FGF12: variants seen among roughly 807,000 people sequenced by gnomAD.
FGF12 encodes fibroblast growth factor 12B.
Under a neutral mutation model 23.6 loss-of-function variants are expected in FGF12, and 14 were observed. The observed-to-expected ratio is 0.59, with a 90% CI of 0.39 to 0.93. FGF12 has a LOEUF of 0.93. Among genes scored for constraint, FGF12 ranks in the 40% least tolerant of loss-of-function variants. The pLI is 0.00. For synonymous variants in FGF12, 62 were observed against 77.3 expected, an observed-to-expected ratio of 0.80 and a Z score of 1.04; for missense variants, 175 against 217.8, an observed-to-expected ratio of 0.80 and a Z score of 1.24.
At chr3:192,168,986 C>T (rs953969635) in intron 5 of FGF12, among the ~76,000 whole-genome samples, 2 of 152,036 alleles carry the variant, frequency 1.3e-5, no homozygotes, top group Admixed American at 6.6e-5. Flanking sequence ...ATTTTCCAGG[C>T]AGATGAGATA....
chr3:192,248,386 T>C (rs1026367237), intron 4 of FGF12, among the ~76,000 whole-genome samples: 4 of 152,216 alleles, frequency 2.6e-5, no homozygotes, highest in African/African-American at 9.6e-5. Flanking sequence ...TCAAGTTATC[T>C]GAATTTAAGA....
At chr3:192,154,548 TGCA>T (rs1316502577) in intron 5 of FGF12, among the ~76,000 whole-genome samples, 1 of 151,366 alleles carries the variant, frequency 6.6e-6, no homozygotes, top group Non-Finnish European at 1.5e-5. Context: ...GACCCTCAGC[TGCA>T]GGTCTGTTGG....
chr3:192,277,977 A>G lies in FGF12; in HGVS notation c.228+57384T>C, dbSNP rs933703562. Reference sequence around the variant, plus strand: ...GGGGTTTCGCCATGTTGGCCAGGCTAGTCCTGAACTCCTGACCTCGTGATC... The same window carrying G: ...GGGGTTTCGCCATGTTGGCCAGGCTGGTCCTGAACTCCTGACCTCGTGATC... On this transcript the variant is annotated intron_variant, in intron 4 of 5. Coordinates refer to ENST00000445105, the MANE Select transcript of FGF12 (RefSeq NM_004113.6). Among the ~76,000 whole-genome samples, 95 of 151,978 alleles carry G rather than the reference A, an allele frequency of 6.3e-4. 1 individual carries two copies. The highest frequency in any genetic ancestry group is 2.2e-3 in the African/African-American group (93 of 41,396).
chr3:192,438,712 A>G (rs1426881861), intron 2 of FGF12, among the ~76,000 whole-genome samples: 1 of 152,252 alleles, frequency 6.6e-6, no homozygotes, highest in Non-Finnish European at 1.5e-5. Context: ...ATGATTTGTG[A>G]GTATTCCAAT....
intron 2 of FGF12, among the ~76,000 whole-genome samples, chr3:192,407,516 GAA>G (rs1427790803): frequency 6.6e-6 from 1 of 152,166 alleles, no homozygotes; most frequent in Non-Finnish European, 1.5e-5. Flanking sequence ...GGAAGAGTTG[GAA>G]AAATAATAAA....
chr3:192,434,332 G>A (rs1398140987), intron 2 of FGF12, among the ~76,000 whole-genome samples: 2 of 152,132 alleles, frequency 1.3e-5, no homozygotes, highest in South Asian at 2.1e-4. Context: ...GACAGATCAA[G>A]CTCTTTGTGG....
At chr3:192,345,407 G>A (rs555699890) in intron 3 of FGF12, among the ~76,000 whole-genome samples, 1 of 42,908 alleles carries the variant, frequency 2.3e-5, no homozygotes, top group Non-Finnish European at 3.4e-5. Context: ...TATAACATAG[G>A]CCGGGCGCGG....
intron 2 of FGF12, among the ~76,000 whole-genome samples, chr3:192,544,322 A>G (rs2064276155): frequency 6.6e-6 from 1 of 152,164 alleles, no homozygotes; most frequent in Non-Finnish European, 1.5e-5. Flanking sequence ...TTTAAGCAAT[A>G]TGAAGTTAAA....
intron 2 of FGF12, among the ~76,000 whole-genome samples, chr3:192,422,437 T>G (rs910487803): frequency 6.6e-6 from 1 of 152,130 alleles, no homozygotes; most frequent in Non-Finnish European, 1.5e-5. Flanking sequence ...CCAAAGTAAC[T>G]TCAGAGTAGT....
At chr3:192,650,014 G>A (rs1716158088) in intron 2 of FGF12, among the ~76,000 whole-genome samples, 1 of 152,156 alleles carries the variant, frequency 6.6e-6, no homozygotes, top group Non-Finnish European at 1.5e-5. Context: ...TGATAACTTG[G>A]CAACATGCAA....
At chr3:192,278,753 T>C (rs1038463719) in intron 4 of FGF12, among the ~76,000 whole-genome samples, 4 of 152,166 alleles carry the variant, frequency 2.6e-5, no homozygotes, top group East Asian at 1.9e-4. Flanking sequence ...AGAGTTTCAG[T>C]TGGAGAGCCC....
At chr3:192,687,475 C>A (rs1717788605) in intron 2 of FGF12, among the ~76,000 whole-genome samples, 1 of 152,108 alleles carries the variant, frequency 6.6e-6, no homozygotes, top group Non-Finnish European at 1.5e-5. Context: ...CCAATAGTGA[C>A]TGACAAATAA....
chr3:192,372,110 A>C (rs1576920379), intron 2 of FGF12, among the ~76,000 whole-genome samples: 1 of 152,260 alleles, frequency 6.6e-6, no homozygotes, highest in East Asian at 1.9e-4. Flanking sequence ...GGCATAGAAA[A>C]ATCTTCTCAG....
Position 192,426,773 on chromosome 3 carries a change from G to T in FGF12, c.14-66235C>A, listed in dbSNP as rs554927951. On this transcript the variant is annotated intron_variant, in intron 2 of 5. Coordinates refer to ENST00000445105, the MANE Select transcript of FGF12 (RefSeq NM_004113.6). ...TGAAAGAGAGACACTTACATAAGTA[G>T]TATCAGGATTTAAAAGAACCAAATG... Among the ~76,000 whole-genome samples, 5 of 152,322 alleles carry T rather than the reference G, an allele frequency of 3.3e-5. No homozygotes were observed. The East Asian group carries it at 9.7e-4, about 29-fold the overall frequency.
chr3:192,607,190 A>G (rs1326592850), intron 2 of FGF12, among the ~76,000 whole-genome samples: 1 of 152,162 alleles, frequency 6.6e-6, no homozygotes, highest in Non-Finnish European at 1.5e-5. Context: ...ATTTGACTAA[A>G]GTTGGACAAA....
intron 4 of FGF12, among the ~76,000 whole-genome samples, chr3:192,266,823 CAT>C (rs1553788282): frequency 2.6e-5 from 4 of 151,800 alleles, no homozygotes; most frequent in East Asian, 3.9e-4. Context: ...CACACACACA[CAT>C]ACACTACCTC....
intron 2 of FGF12, among the ~76,000 whole-genome samples, chr3:192,440,634 G>C (rs772280081): frequency 6.6e-6 from 1 of 152,136 alleles, no homozygotes; most frequent in Non-Finnish European, 1.5e-5. Context: ...GATATCAGGC[G>C]ACATCTCTTA....
chr3:192,453,755 A>G (rs1199284962), intron 2 of FGF12, among the ~76,000 whole-genome samples: 1 of 151,952 alleles, frequency 6.6e-6, no homozygotes, highest in Non-Finnish European at 1.5e-5. Context: ...TAGCATGAAG[A>G]CCCATGGGAT....
intron 4 of FGF12, among the ~76,000 whole-genome samples, chr3:192,194,189 A>G (rs909919035): frequency 6.6e-6 from 1 of 152,228 alleles, no homozygotes; most frequent in African/African-American, 2.4e-5. Context: ...GAAATTTGTA[A>G]AATGTATGAC....
Sources: allele counts gnomAD v4.1 joint callset (sites outside exome capture counted in the v4.1 genomes callset), GRCh38; gene constraint gnomAD v4.1.1; transcripts MANE v1.5; gene names NCBI Gene and HGNC (gene_info 2026-07-23, HGNC 2026-07-21).